Variants in TTC14 observed in about 807,000 individuals in gnomAD.
TTC14 encodes tetratricopeptide repeat protein 14.
A neutral mutation model predicts 79.9 loss-of-function variants in TTC14; 63 were observed. The observed-to-expected ratio is 0.79, with a 90% confidence interval of 0.64 to 0.97. The LOEUF is 0.97. Among genes scored for constraint, TTC14 ranks in the 50% least tolerant of loss-of-function variants. The pLI is 0.00. For synonymous variants in TTC14, 335 were observed against 309.6 expected, an observed-to-expected ratio of 1.08 and a Z score of -0.86; for missense variants, 895 against 894.0, an observed-to-expected ratio of 1.00 and a Z score of -0.01.
At position 180,610,779 on chromosome 3, in the gene TTC14, C is replaced by T; in HGVS notation, c.*237C>T. On this transcript the variant is annotated 3_prime_UTR_variant, in exon 12 of 12. Coordinates refer to ENST00000296015, the MANE Select transcript of TTC14 (RefSeq NM_133462.4). ...TTTATGTACAGTATATTACTCTTGA[C>T]AGTTTGAATTTCTTCACCTAAAGAT... 9.3e-7 allele frequency: 1 copy of T among 1,078,286 alleles called. No homozygotes were observed. Among genetic ancestry groups the T allele is most frequent in the Non-Finnish European group, 1.1e-6 (1 of 889,272 alleles). The allele number at this position is 1,078,286 out of a possible 1,614,324, so 66.8% of individuals were successfully genotyped here.
At chr3:180,611,735 G>T (rs1717002643), downstream of TTC14, among the ~76,000 whole-genome samples, 1 of 152,154 alleles carries the variant, frequency 6.6e-6, no homozygotes, top group Non-Finnish European at 1.5e-5. Flanking sequence ...TCTCAAAGCT[G>T]TAAATTACAA....
At chr3:180,604,090 C>T (rs751597638) in intron 3 of TTC14, 135 bp from the exon 4 acceptor site, 3 of 769,488 alleles carry the variant, frequency 3.9e-6, no homozygotes, top group Non-Finnish European at 6.5e-6. Context: ...TTACTTTTAA[C>T]TAAATCCTTA....
At position 180,602,196 on chromosome 3, in the gene TTC14, T is replaced by C; in HGVS notation, c.-66T>C. 4 of 1,581,126 alleles carry C rather than the reference T, an allele frequency of 2.5e-6. No homozygotes were observed. Among genetic ancestry groups the C allele is most frequent in the South Asian group, 1.2e-5 (1 of 86,452 alleles). ...TCTTCCGCTTCCTGTACCACCCGGCTCAAGTAGCGGACACGGAACAGGGAA... is the reference window on the plus strand; with the variant it reads ...TCTTCCGCTTCCTGTACCACCCGGCCCAAGTAGCGGACACGGAACAGGGAA... On this transcript the variant is annotated 5_prime_UTR_variant, in exon 1 of 12. Transcript: ENST00000296015.
chr3:180,613,619 G>T (rs1164894104), downstream of TTC14, among the ~76,000 whole-genome samples: 1 of 152,118 alleles, frequency 6.6e-6, no homozygotes, highest in African/African-American at 2.4e-5. Flanking sequence ...ACTATCCAAG[G>T]TTACAGAGCT....
intron 12 of TTC14, chr3:180,616,955 AT>A: frequency 1.4e-6 from 2 of 1,408,708 alleles, no homozygotes; most frequent in Non-Finnish European, 2.0e-6. Flanking sequence ...CATCTAATGT[AT>A]TTTCCATGCT....
chr3:180,609,249 CG>C, intron 11 of TTC14: 6 of 542,586 alleles, frequency 1.1e-5, no homozygotes, highest in Non-Finnish European at 1.4e-5. Flanking sequence ...AGCTCCCACC[CG>C]CACCCCCACC....
downstream of TTC14, among the ~76,000 whole-genome samples, chr3:180,612,366 C>A (rs1717024817): frequency 6.6e-6 from 1 of 152,116 alleles, no homozygotes; most frequent in Admixed American, 6.5e-5. Context: ...GTGTAACCAT[C>A]ACCCAAATGA....
intron 10 of TTC14, chr3:180,608,338 A>G (rs1369342038): frequency 1.0e-6 from 1 of 984,664 alleles, no homozygotes; most frequent in Non-Finnish European, 1.2e-6. Flanking sequence ...TTTGAATTTT[A>G]TTTGTAAAAT....
intron 9 of TTC14, 70 bp from the exon 10 acceptor site, chr3:180,607,578 T>C: frequency 6.6e-7 from 1 of 1,523,898 alleles, no homozygotes; most frequent in Non-Finnish European, 8.8e-7. Flanking sequence ...ATATAAGCCT[T>C]TGACCTGTAT....
rs560592977 is a variant in TTC14, at chr3:180,610,705, G to T, written c.*163G>T. The T allele has an allele frequency of 5.1e-6, 7 of 1,360,112 alleles. No homozygotes were observed. In the African/African-American group the frequency reaches 5.9e-5, roughly 11 times the overall value. The allele number at this position is 1,360,112 out of a possible 1,614,324, so 84.3% of individuals were successfully genotyped here. ...TAAGTTTTTCTCAAATTTTGTTTCA[G>T]TTCTAGGTCCCTTGTCACAGCTTGG... On this transcript the variant is annotated 3_prime_UTR_variant, in exon 12 of 12. Coordinates refer to ENST00000296015, the MANE Select transcript of TTC14 (RefSeq NM_133462.4).
rs202004800 is a variant in TTC14, at chr3:180,608,779, A to C, written c.1369A>C (p.Lys457Gln). ...AAAGAAAATAGAAACAAGTGCAGAA[A>C]AGTTGCGTAAGCTCTTAAAAGAAGA... ...KTKKIETSAE[K>Q]LRKLLKEEKR... The change falls in exon 11 of 12, where the codon AAG becomes CAG. Residue 457 changes from lysine to glutamine, a missense_variant. By Grantham distance (53) the Lys-to-Gln change is moderately conservative (BLOSUM62 1). Transcript: ENST00000296015. 1.3e-6 allele frequency: 2 copies of C among 1,559,370 alleles called. No homozygotes were observed. Among genetic ancestry groups the C allele is most frequent in the African/African-American group, 2.8e-5 (2 of 72,242 alleles).
At chr3:180,616,510 T>C (rs1717248771) in intron 12 of TTC14, 5 of 1,538,302 alleles carry the variant, frequency 3.3e-6, no homozygotes, top group Non-Finnish European at 4.4e-6. Context: ...GAAGGTGCTG[T>C]ATTACCTGTT....
Position 180,602,764 on chromosome 3 carries a change from G to A in TTC14, c.162-127G>A. The A allele has an allele frequency of 5.1e-6, 6 of 1,168,002 alleles. No individual in the cohort carries two copies. In the South Asian group the frequency reaches 1.0e-4, roughly 19 times the overall value. The allele number at this position is 1,168,002 out of a possible 1,614,324, so 72.4% of individuals were successfully genotyped here. On this transcript the variant is annotated intron_variant, in intron 1 of 11. Transcript: ENST00000296015. Reference sequence around the variant, plus strand: ...AGGGAATGCCTAGTTAAAACTTTTTGTCTGAGGTTGTATTGTCTGCAGCTT... The same window carrying A: ...AGGGAATGCCTAGTTAAAACTTTTTATCTGAGGTTGTATTGTCTGCAGCTT...
intron 1 of TTC14, 27 bp downstream of exon 1, chr3:180,602,449 C>T: frequency 1.3e-6 from 2 of 1,579,328 alleles, no homozygotes; most frequent in Non-Finnish European, 1.7e-6. Context: ...GCCACTGCGC[C>T]ACGGAAGAGG....
intron 12 of TTC14, chr3:180,616,406 T>A (rs1427273330): frequency 6.5e-7 from 1 of 1,541,536 alleles, no homozygotes; most frequent in Admixed American, 2.1e-5. Context: ...TACCTACTGT[T>A]TTTTAGAAGA....
chr3:180,604,532 GCTCTT>G lies in TTC14; in HGVS notation c.633_637del (p.Leu212ThrfsTer7). 6.2e-7 allele frequency: 1 copy of G among 1,610,802 alleles called. No homozygotes were observed. Reference sequence around the variant, plus strand: ...GAAAAGCTAGCAGTATCTCTGTATAGCTCTTCTCTTCCACCACACCTATCTGGTAT... The same window carrying G: ...GAAAAGCTAGCAGTATCTCTGTATAGCTCTTCCACCACACCTATCTGGTAT... On this transcript the variant is annotated frameshift_variant, in exon 5 of 12. Coordinates refer to ENST00000296015, the MANE Select transcript of TTC14 (RefSeq NM_133462.4). LOFTEE classifies it high-confidence loss of function.
In TTC14 at chr3:180,608,811, G is replaced by A; in HGVS notation, c.1400+1G>A. Reference sequence around the variant, plus strand: ...GTAAGCTCTTAAAAGAAGAGAAGAGGTAAACTATAATATTCAGTATTTTTA... The same window carrying A: ...GTAAGCTCTTAAAAGAAGAGAAGAGATAAACTATAATATTCAGTATTTTTA... On this transcript the variant is annotated splice_donor_variant, in intron 11 of 11. Transcript: ENST00000296015. LOFTEE classifies it high-confidence loss of function. 1 of 1,522,440 alleles carries A rather than the reference G, an allele frequency of 6.6e-7. No homozygotes were observed. The highest frequency in any genetic ancestry group is 8.8e-7 in the Non-Finnish European group (1 of 1,140,930). The allele number at this position is 1,522,440 out of a possible 1,614,324, so 94.3% of individuals were successfully genotyped here. A position where few individuals can be genotyped will look rare whatever the true frequency, so the allele number is the denominator to read the frequency against.
intron 9 of TTC14, 63 bp downstream of exon 9, chr3:180,606,666 G>T: frequency 6.5e-7 from 1 of 1,536,396 alleles, no homozygotes; most frequent in South Asian, 1.3e-5. Context: ...AAAAAATTTT[G>T]AACTTAAGGA....
Position 180,609,628 on chromosome 3 carries a change from A to C in TTC14, c.1401-2A>C, listed in dbSNP as rs984399296. ...ATATGACAAATGAACTGTTTTTTTT[A>C]GGCTAAAGAAGAAAAGAAGAAAATC... On this transcript the variant is annotated splice_acceptor_variant, in intron 11 of 11. Transcript: ENST00000296015. LOFTEE classifies it high-confidence loss of function. 6.5e-7 allele frequency: 1 copy of C among 1,536,880 alleles called. No homozygotes were observed. Among genetic ancestry groups the C allele is most frequent in the Non-Finnish European group, 8.7e-7 (1 of 1,148,652 alleles).
Sources: gnomAD v4.1 joint callset for allele counts (sites outside exome capture counted in the v4.1 genomes callset) on GRCh38, gnomAD v4.1.1 for gene constraint, MANE v1.5 for transcripts, NCBI Gene and HGNC (gene_info 2026-07-23, HGNC 2026-07-21) for gene names.